SUPT3H: variants seen among roughly 807,000 people sequenced by gnomAD.
The protein encoded by SUPT3H is SPT3 homolog, SAGA and STAGA complex component.
SUPT3H carries 44 observed loss-of-function variants against 44.3 expected under a neutral mutation model. The ratio of observed to expected loss-of-function variants is 0.99; its 90% CI spans 0.78 to 1.28. The LOEUF is 1.28. Ranked by LOEUF, SUPT3H falls within the 50% of genes most tolerant of loss-of-function variation. SUPT3H has a pLI of 0.00. For synonymous variants in SUPT3H, 124 were observed against 125.6 expected (o/e 0.99, Z 0.09); for missense variants, 380 against 387.1 (o/e 0.98, Z 0.15).
At chr6:44,937,257 C>T (rs893325134) in intron 9 of SUPT3H, among the ~76,000 whole-genome samples, 5 of 151,662 alleles carry the variant, frequency 3.3e-5, no homozygotes, top group Admixed American at 2.6e-4. Context: ...TTTGGGAGGC[C>T]GAGGCAGGTG....
At chr6:45,247,676 T>C (rs983128337) in intron 2 of SUPT3H, among the ~76,000 whole-genome samples, 2 of 147,376 alleles carry the variant, frequency 1.4e-5, no homozygotes, top group Non-Finnish European at 3.0e-5. Context: ...CAGACTCTAC[T>C]GGATTCTTTT....
chr6:45,242,372 A>C (rs1770524911), intron 2 of SUPT3H, among the ~76,000 whole-genome samples: 1 of 152,230 alleles, frequency 6.6e-6, no homozygotes, highest in Admixed American at 6.5e-5. Context: ...AAAGAACTTT[A>C]GAAGTCTCCA....
chr6:45,014,789 TG>T lies in SUPT3H; in HGVS notation c.364+11del. Reference sequence around the variant, plus strand: ...AAGCTCATGTTTTAGTTTTGTGTTTTGTTTTGGTTACCTTCGAGAAGATCAT... The same window carrying T: ...AAGCTCATGTTTTAGTTTTGTGTTTTTTTTGGTTACCTTCGAGAAGATCAT... On this transcript the variant is annotated intron_variant, in intron 5 of 10. Transcript: ENST00000371459. 1 of 1,559,666 alleles carries T rather than the reference TG, an allele frequency of 6.4e-7. No individual in the cohort carries two copies. Among genetic ancestry groups the T allele is most frequent in the South Asian group, 1.2e-5 (1 of 80,350 alleles).
At chr6:45,229,186 GTTTTTTAATTTTA>G (rs1413703340) in intron 2 of SUPT3H, among the ~76,000 whole-genome samples, 3 of 152,034 alleles carry the variant, frequency 2.0e-5, no homozygotes, top group Non-Finnish European at 4.4e-5. Flanking sequence ...ACTGGTTTGG[GTTTTTTAATTTTA>G]TTTTTTAATT....
intron 2 of SUPT3H, among the ~76,000 whole-genome samples, chr6:45,326,357 A>G (rs1161219910): frequency 2.0e-5 from 3 of 151,968 alleles, no homozygotes; most frequent in African/African-American, 4.8e-5. Context: ...CCCACAAGCT[A>G]TAAGGACAAA....
At chr6:45,286,410 C>A (rs1174307787) in intron 2 of SUPT3H, among the ~76,000 whole-genome samples, 1 of 151,874 alleles carries the variant, frequency 6.6e-6, no homozygotes, top group Admixed American at 6.6e-5. Context: ...GAAAAAACAA[C>A]CCCATCAAAA....
At chr6:45,338,982 A>C (rs1279489332) in intron 2 of SUPT3H, among the ~76,000 whole-genome samples, 1 of 152,182 alleles carries the variant, frequency 6.6e-6, no homozygotes, top group Non-Finnish European at 1.5e-5. Flanking sequence ...ATAAAATGAC[A>C]TGTAATAAGC....
chr6:45,052,290 C>T, intron 3 of SUPT3H, among the ~76,000 whole-genome samples: 1 of 152,022 alleles, frequency 6.6e-6, no homozygotes, highest in East Asian at 1.9e-4. Context: ...AATGAGATTG[C>T]TGTAATTTAT....
At chr6:45,110,197 C>G (rs779214515) in intron 2 of SUPT3H, among the ~76,000 whole-genome samples, 1 of 152,194 alleles carries the variant, frequency 6.6e-6, no homozygotes, top group Non-Finnish European at 1.5e-5. Context: ...TGGCTTTATT[C>G]AATCCTGGGA....
At position 44,827,438 on chromosome 6, in the gene SUPT3H, C is replaced by CTCA. The variant is rs1320038063; in HGVS notation, c.*2375_*2377dup. On this transcript the variant is annotated 3_prime_UTR_variant, in exon 11 of 11. Transcript: ENST00000371459. The stretch of plus-strand genomic sequence containing the variant: ...GACTGAAAATTAGGGACCATCGATT[C>CTCA]TCATCTCTGGTCTGTCACTACATTA... Among the ~76,000 whole-genome samples, 1 of 152,046 alleles carries CTCA rather than the reference C, an allele frequency of 6.6e-6. No individual in the cohort carries two copies. The highest frequency in any genetic ancestry group is 2.4e-5 in the African/African-American group (1 of 41,422).
At chr6:45,377,061 G>C (rs1197516638) in intron 1 of SUPT3H, among the ~76,000 whole-genome samples, 3 of 151,920 alleles carry the variant, frequency 2.0e-5, no homozygotes, top group Non-Finnish European at 4.4e-5. Context: ...TCACTCTCAC[G>C]TGTGAGACCA....
intron 4 of SUPT3H, among the ~76,000 whole-genome samples, chr6:45,017,749 C>A (rs1784514240): frequency 2.8e-5 from 4 of 145,096 alleles, no homozygotes; most frequent in African/African-American, 7.6e-5. Flanking sequence ...GTTACTGTAG[C>A]CTTGTAGTAT....
At chr6:45,186,252 T>C (rs1474532007) in intron 2 of SUPT3H, among the ~76,000 whole-genome samples, 2 of 151,768 alleles carry the variant, frequency 1.3e-5, no homozygotes, top group African/African-American at 2.4e-5. Flanking sequence ...CCTCATAATA[T>C]CCAAAAATCA....
chr6:45,357,835 A>G (rs1236110547), intron 2 of SUPT3H, among the ~76,000 whole-genome samples: 1 of 152,202 alleles, frequency 6.6e-6, no homozygotes, highest in Non-Finnish European at 1.5e-5. Flanking sequence ...TGCTGACATA[A>G]TAATGAAGTG....
intron 2 of SUPT3H, among the ~76,000 whole-genome samples, chr6:45,161,080 G>A (rs1317851810): frequency 6.6e-6 from 1 of 152,038 alleles, no homozygotes; most frequent in Non-Finnish European, 1.5e-5. Flanking sequence ...CATTCCATGA[G>A]ACACCTGCTC....
intron 2 of SUPT3H, among the ~76,000 whole-genome samples, chr6:45,167,817 ATT>A (rs888390443): frequency 1.2e-3 from 174 of 143,620 alleles, no homozygotes; most frequent in African/African-American, 4.1e-3. Context: ...ATTTTCATTT[ATT>A]TTTTTTTTTT....
chr6:44,822,088 C>A (rs1273477552), downstream of SUPT3H, among the ~76,000 whole-genome samples: 2 of 152,136 alleles, frequency 1.3e-5, no homozygotes, highest in African/African-American at 4.8e-5. Context: ...CCTACATGGG[C>A]AAAATATACT....
At chr6:44,932,015 G>C (rs910083908) in intron 10 of SUPT3H, among the ~76,000 whole-genome samples, 9 of 152,096 alleles carry the variant, frequency 5.9e-5, no homozygotes, top group African/African-American at 2.2e-4. Flanking sequence ...AGTAGGACTT[G>C]AAGAAATTTC....
At chr6:45,309,512 C>A (rs1203410722) in intron 2 of SUPT3H, among the ~76,000 whole-genome samples, 1 of 150,832 alleles carries the variant, frequency 6.6e-6, no homozygotes, top group African/African-American at 2.4e-5. Flanking sequence ...GAGACAGCAT[C>A]AAAACAGCAA....
Sources: gnomAD v4.1 joint callset for allele counts (sites outside exome capture counted in the v4.1 genomes callset) on GRCh38, gnomAD v4.1.1 for gene constraint, MANE v1.5 for transcripts, NCBI Gene and HGNC (gene_info 2026-07-23, HGNC 2026-07-21) for gene names.